Variants in CHRNA7 observed in about 807,000 individuals in gnomAD.
CHRNA7 encodes the protein cholinergic receptor nicotinic alpha 7 subunit.
CHRNA7 carries 17 observed loss-of-function variants against 48.0 expected under a neutral mutation model. The ratio of observed to expected loss-of-function variants is 0.35; its 90% CI spans 0.24 to 0.53. The LOEUF is 0.53. Ranked by LOEUF, CHRNA7 falls within the 20% of genes least tolerant of loss-of-function variation. The pLI is 0.92. For missense variants in CHRNA7, 155 were observed against 577.7 expected, an observed-to-expected ratio of 0.27 and a Z score of 7.50; for synonymous variants, 75 against 242.3, an observed-to-expected ratio of 0.31 and a Z score of 6.41.
At chr15:32,052,081 A>G (rs1348212904) in intron 2 of CHRNA7, among the ~76,000 whole-genome samples, 1 of 152,136 alleles carries the variant, frequency 6.6e-6, no homozygotes, top group Non-Finnish European at 1.5e-5. Context: ...TAATCACCAC[A>G]GGCTCTGGAA....
rs1313720305 is a variant in CHRNA7 at position 32,170,548 on chromosome 15, A to G, written c.*2090A>G. On this transcript the variant is annotated 3_prime_UTR_variant, in exon 10 of 10. Transcript: ENST00000306901. ...TGATCCCTCCCACATTTTTGCTTTA[A>G]AAAGAAACCTTTTTGGTTTTGTATT... The G allele has an allele frequency of 6.7e-6, 1 of 149,916 alleles. No individual in the cohort carries two copies. Among genetic ancestry groups the G allele is most frequent in the Admixed American group, 6.6e-5 (1 of 15,084 alleles). 9.3% of individuals were successfully genotyped at this position (149,916 alleles called of 1,614,324 possible).
At chr15:32,084,259 A>G (rs2050260430) in intron 2 of CHRNA7, among the ~76,000 whole-genome samples, 1 of 152,202 alleles carries the variant, frequency 6.6e-6, no homozygotes, top group African/African-American at 2.4e-5. Flanking sequence ...ATATGAACTA[A>G]GAATTGGTAG....
intron 2 of CHRNA7, 39 bp downstream of exon 2, chr15:32,031,076 C>G: frequency 6.2e-7 from 1 of 1,611,334 alleles, no homozygotes; most frequent in Non-Finnish European, 8.5e-7. Context: ...CTCTCCCCTT[C>G]CTGGGCTCCG....
Position 32,111,908 on chromosome 15 carries a change from A to C in CHRNA7, c.350+9A>C. ...ATTCTTCTCTATAACAGGTAAGCAT[A>C]TTGAACAAAGGAAAAAAATGATTTT... is the stretch of plus-strand genomic sequence containing the variant. On this transcript the variant is annotated intron_variant, in intron 4 of 9. Transcript: ENST00000306901. The C allele has an allele frequency of 2.0e-6, 3 of 1,512,450 alleles. No homozygotes were observed. Among genetic ancestry groups the C allele is most frequent in the South Asian group, 1.1e-5 (1 of 88,754 alleles). The allele number at this position is 1,512,450 out of a possible 1,614,324, so 93.7% of individuals were successfully genotyped here. A position where few individuals can be genotyped will look rare whatever the true frequency, so the allele number is the denominator to read the frequency against.
chr15:32,058,646 C>A (rs978290594), intron 2 of CHRNA7, among the ~76,000 whole-genome samples: 1 of 152,156 alleles, frequency 6.6e-6, no homozygotes, highest in Admixed American at 6.5e-5. Context: ...ATTGGGAATG[C>A]TGTACTTATT....
At position 32,050,130 on chromosome 15, in the gene CHRNA7, T is replaced by G. The variant is rs150229949; in HGVS notation, c.195+19093T>G. ...AATCTGACAATTATGTGTCTTGGAG[T>G]TGCTCTTCTCGATGAGTATCTTTGT... On this transcript the variant is annotated intron_variant, in intron 2 of 9. Coordinates refer to ENST00000306901, the MANE Select transcript of CHRNA7 (RefSeq NM_000746.6). Among the ~76,000 whole-genome samples, 1,415 of 152,300 alleles carry G rather than the reference T, an allele frequency of 9.3e-3. 26 individuals carry two copies. Among genetic ancestry groups the G allele is most frequent in the African/African-American group, 0.032 (1,338 of 41,546 alleles).
At chr15:32,061,884 G>T (rs1335734970) in intron 2 of CHRNA7, among the ~76,000 whole-genome samples, 2 of 152,162 alleles carry the variant, frequency 1.3e-5, no homozygotes, top group East Asian at 3.9e-4. Flanking sequence ...CAGTAATTAT[G>T]TGAGCTTGGG....
At chr15:32,073,326 G>A (rs1224521238) in intron 2 of CHRNA7, among the ~76,000 whole-genome samples, 22 of 152,178 alleles carry the variant, frequency 1.4e-4, no homozygotes, top group Admixed American at 1.4e-3. Flanking sequence ...CTTTAGGAAT[G>A]GGAATGTTTA....
intron 2 of CHRNA7, among the ~76,000 whole-genome samples, chr15:32,075,656 A>G (rs1028465354): frequency 6.6e-6 from 1 of 151,960 alleles, no homozygotes; most frequent in Non-Finnish European, 1.5e-5. Flanking sequence ...AGCTCTTTGT[A>G]TCATTGATTT....
At chr15:32,050,931 G>C (rs1266901637) in intron 2 of CHRNA7, among the ~76,000 whole-genome samples, 2 of 152,146 alleles carry the variant, frequency 1.3e-5, no homozygotes, top group Non-Finnish European at 2.9e-5. Flanking sequence ...TGTTTGCCTG[G>C]GTATCAGCAG....
intron 4 of CHRNA7, among the ~76,000 whole-genome samples, chr15:32,122,770 T>C (rs879708273): frequency 1.6e-4 from 25 of 151,892 alleles, no homozygotes; most frequent in Non-Finnish European, 2.6e-4. Context: ...TTTATGCATG[T>C]GCCAATACCA....
chr15:32,090,570 A>G (rs1465983206), intron 2 of CHRNA7, among the ~76,000 whole-genome samples: 1 of 152,040 alleles, frequency 6.6e-6, no homozygotes, highest in Non-Finnish European at 1.5e-5. Flanking sequence ...CCTGAATTTC[A>G]TGTCTCTCCA....
At chr15:32,102,217 T>C (rs2050585867) in intron 3 of CHRNA7, 1 of 152,222 alleles carries the variant, frequency 6.6e-6, no homozygotes, top group African/African-American at 2.4e-5. Context: ...CAATCTTGGC[T>C]TACTGCAACC....
chr15:32,120,933 G>A (rs1164055588), intron 4 of CHRNA7, among the ~76,000 whole-genome samples: 8 of 152,106 alleles, frequency 5.3e-5, no homozygotes, highest in East Asian at 1.9e-4. Flanking sequence ...GGAGCAGTGC[G>A]GGCAGCCAGG....
chr15:32,130,514 G>T (rs1468577050), intron 4 of CHRNA7, among the ~76,000 whole-genome samples: 2 of 150,434 alleles, frequency 1.3e-5, no homozygotes, highest in African/African-American at 4.9e-5. Context: ...AGTAATGTTT[G>T]CAGGGTATGT....
chr15:32,116,399 C>G (rs1376904985), intron 4 of CHRNA7, among the ~76,000 whole-genome samples: 1 of 152,198 alleles, frequency 6.6e-6, no homozygotes, highest in African/African-American at 2.4e-5. Flanking sequence ...GGGTGGGTAA[C>G]AAGTCATGCT....
chr15:32,117,519 C>G (rs2050893931), intron 4 of CHRNA7, among the ~76,000 whole-genome samples: 1 of 152,182 alleles, frequency 6.6e-6, no homozygotes, highest in Non-Finnish European at 1.5e-5. Context: ...TAGATCCAAT[C>G]TCAGCTTCTG....
In CHRNA7 at chr15:32,054,385, C is replaced by CAGTGTGTTAAAGGTT. The variant is rs2049746639; in HGVS notation, c.195+23349_195+23350insGTGTGTTAAAGGTTA. On this transcript the variant is annotated intron_variant, in intron 2 of 9. Transcript: ENST00000306901. ...TTGTCATTTGAAGTAACCTTTAACA[C>CAGTGTGTTAAAGGTT]ACTGTGTTAAAGGTCTCTCGTAGAG... Among the ~76,000 whole-genome samples the CAGTGTGTTAAAGGTT allele has an allele frequency of 3.0e-5, 4 of 132,384 alleles. No homozygotes were observed. The East Asian group carries it at 1.3e-3, about 44-fold the overall frequency. 86.8% of individuals were successfully genotyped at this position (132,384 alleles called of 152,430 possible). A position where few individuals can be genotyped will look rare whatever the true frequency, so the allele number is the denominator to read the frequency against.
At chr15:32,135,204 A>G (rs2051232607) in intron 4 of CHRNA7, among the ~76,000 whole-genome samples, 1 of 152,232 alleles carries the variant, frequency 6.6e-6, no homozygotes, top group Non-Finnish European at 1.5e-5. Flanking sequence ...ACTGGCTAGA[A>G]TAGTAGAAGG....
Sources: gnomAD v4.1 joint callset for allele counts (sites outside exome capture counted in the v4.1 genomes callset) on GRCh38, gnomAD v4.1.1 for gene constraint, MANE v1.5 for transcripts, NCBI Gene and HGNC (gene_info 2026-07-23, HGNC 2026-07-21) for gene names.